The following CLOCK variants were observed in gnomAD, a reference collection of about 807,000 sequenced individuals.
CLOCK encodes circadian locomoter output cycles protein kaput.
CLOCK carries 43 observed loss-of-function variants against 118.4 expected under a neutral mutation model. That is an observed-to-expected ratio of 0.36 (90% CI 0.28 to 0.47). CLOCK has a LOEUF of 0.47. Among genes scored for constraint, CLOCK ranks in the 20% least tolerant of loss-of-function variants. The pLI is 1.00. For synonymous variants in CLOCK, 326 were observed against 339.2 expected, an observed-to-expected ratio of 0.96 and a Z score of 0.43; for missense variants, 846 against 999.9, an observed-to-expected ratio of 0.85 and a Z score of 2.08.
rs1354143489 is a variant in CLOCK, at chr4:55,429,194, T to C, written c.*6221A>G. 1 of 152,204 alleles carries C rather than the reference T, an allele frequency of 6.6e-6. No homozygotes were observed. The allele number at this position is 152,204 out of a possible 1,614,324, so 9.4% of individuals were successfully genotyped here. ...CATTTTTAAAAGCGATGTCACAGTT[T>C]GTTTCCTAAGAAATTTAAAAGCTTT... On this transcript the variant is annotated 3_prime_UTR_variant, in exon 23 of 23. Coordinates refer to ENST00000513440, the MANE Select transcript of CLOCK (RefSeq NM_004898.4).
intron 1 of CLOCK, among the ~76,000 whole-genome samples, chr4:55,523,579 T>A (rs182311786): frequency 6.6e-6 from 1 of 152,220 alleles, no homozygotes; most frequent in Admixed American, 6.5e-5. Context: ...CTACATGACA[T>A]GGGTAATGTC....
intron 1 of CLOCK, among the ~76,000 whole-genome samples, chr4:55,543,124 C>T: frequency 6.6e-6 from 1 of 152,104 alleles, no homozygotes; most frequent in Non-Finnish European, 1.5e-5. Context: ...CACTATGTTG[C>T]CCAGGCTGGT....
intron 18 of CLOCK, among the ~76,000 whole-genome samples, chr4:55,447,619 T>C (rs567972041): frequency 6.6e-6 from 1 of 152,300 alleles, no homozygotes; most frequent in South Asian, 2.1e-4. Context: ...ATTTTTGACA[T>C]AGTAGGTATC....
chr4:55,460,445 TC>T (rs1393134654), intron 9 of CLOCK, among the ~76,000 whole-genome samples: 1 of 152,212 alleles, frequency 6.6e-6, no homozygotes, highest in East Asian at 1.9e-4. Flanking sequence ...TCTTTCAAGC[TC>T]CCTTCGTCTA....
intron 11 of CLOCK, among the ~76,000 whole-genome samples, chr4:55,457,811 A>G (rs1025534060): frequency 6.6e-6 from 1 of 152,170 alleles, no homozygotes; most frequent in African/African-American, 2.4e-5. Context: ...ATCAAGTCCC[A>G]GTTTCATCAC....
intron 1 of CLOCK, among the ~76,000 whole-genome samples, chr4:55,533,246 T>C (rs1730670615): frequency 6.6e-6 from 1 of 152,038 alleles, no homozygotes; most frequent in African/African-American, 2.4e-5. Flanking sequence ...GCAACAGTAA[T>C]CAAGACAGTG....
chr4:55,466,383 A>C (rs1259122812), intron 8 of CLOCK, among the ~76,000 whole-genome samples: 3 of 152,168 alleles, frequency 2.0e-5, no homozygotes, highest in African/African-American at 2.4e-5. Context: ...TTTCCTTTAT[A>C]AACTACCCAG....
intron 15 of CLOCK, among the ~76,000 whole-genome samples, chr4:55,450,709 T>C (rs1298087829): frequency 1.3e-5 from 2 of 151,266 alleles, no homozygotes; most frequent in African/African-American, 2.4e-5. Flanking sequence ...GCGGAGGATG[T>C]AGTGAGCCGA....
chr4:55,450,373 G>T, intron 15 of CLOCK, 141 bp from the exon 16 acceptor site: 1 of 900,126 alleles, frequency 1.1e-6, no homozygotes, highest in Non-Finnish European at 1.8e-6. Context: ...CACATGTAAA[G>T]AAATGAAAAT....
At chr4:55,542,367 A>ATTAT (rs1560489903) in intron 1 of CLOCK, among the ~76,000 whole-genome samples, 2 of 46,626 alleles carry the variant, frequency 4.3e-5, no homozygotes, top group African/African-American at 5.4e-5. Flanking sequence ...AATAATAATA[A>ATTAT]TAATAATAAT....
rs1722687743 is a variant in CLOCK, at chr4:55,433,946, A to C, written c.*1469T>G. On this transcript the variant is annotated 3_prime_UTR_variant, in exon 23 of 23. Coordinates refer to ENST00000513440, the MANE Select transcript of CLOCK (RefSeq NM_004898.4). ...AATATTTCTGGTAAATTCTTAAATG[A>C]CTAAAGAAAAATGCTGATTTAGGAA... is the stretch of plus-strand genomic sequence containing the variant. The C allele has an allele frequency of 6.6e-6, 1 of 152,296 alleles. No individual in the cohort carries two copies. The highest frequency in any genetic ancestry group is 2.4e-5 in the African/African-American group (1 of 41,456). 9.4% of individuals were successfully genotyped at this position (152,296 alleles called of 1,614,324 possible).
At chr4:55,528,240 G>A (rs1730327067) in intron 1 of CLOCK, among the ~76,000 whole-genome samples, 2 of 151,930 alleles carry the variant, frequency 1.3e-5, no homozygotes, top group African/African-American at 4.8e-5. Context: ...CAGCTACTTG[G>A]GAGGCTGAGG....
intron 1 of CLOCK, among the ~76,000 whole-genome samples, chr4:55,515,698 ATTG>A (rs1470426879): frequency 1.3e-5 from 2 of 151,856 alleles, no homozygotes; most frequent in Non-Finnish European, 2.9e-5. Context: ...TCTAATTTTT[ATTG>A]TTTCCTTTCT....
At chr4:55,437,059 T>C (rs900822553) in intron 22 of CLOCK, among the ~76,000 whole-genome samples, 4 of 152,148 alleles carry the variant, frequency 2.6e-5, no homozygotes, top group African/African-American at 9.7e-5. Flanking sequence ...TTGTTTTAAA[T>C]TGTTGTTATT....
At chr4:55,467,530 AGT>A (rs1226795739) in intron 8 of CLOCK, among the ~76,000 whole-genome samples, 2 of 152,250 alleles carry the variant, frequency 1.3e-5, no homozygotes, top group Non-Finnish European at 2.9e-5. Context: ...GCTTTGAGAA[AGT>A]GTGAACACAT....
At chr4:55,527,511 T>C (rs1047487309) in intron 1 of CLOCK, among the ~76,000 whole-genome samples, 2 of 152,064 alleles carry the variant, frequency 1.3e-5, no homozygotes, top group African/African-American at 4.8e-5. Flanking sequence ...TCCCAAATAA[T>C]ACCTTTTTTA....
chr4:55,457,753 T>C (rs1725018263), intron 11 of CLOCK, among the ~76,000 whole-genome samples: 1 of 152,290 alleles, frequency 6.6e-6, no homozygotes, highest in East Asian at 1.9e-4. Context: ...CACTCTGTAA[T>C]AGTTGAGAGC....
intron 1 of CLOCK, chr4:55,545,890 C>T (rs1479023295): frequency 6.6e-6 from 1 of 152,240 alleles, no homozygotes; most frequent in Non-Finnish European, 1.5e-5. Flanking sequence ...CCGAGCGCCT[C>T]GCCGCCAACC....
In CLOCK at chr4:55,474,866, T is replaced by G. The variant is rs1411039937; in HGVS notation, c.348+1097A>C. ...ATACTATTGCTCGCTGACAATGTAC[T>G]TGGTAGCCCAAGAGTGCTGATGGAG... On this transcript the variant is annotated intron_variant, in intron 7 of 22. Coordinates refer to ENST00000513440, the MANE Select transcript of CLOCK (RefSeq NM_004898.4). 2.6e-5 allele frequency among the ~76,000 whole-genome samples: 4 copies of G among 152,338 alleles called. No homozygotes were observed. In the East Asian group the frequency reaches 7.7e-4, roughly 29 times the overall value.
Sources: gnomAD v4.1 joint callset for allele counts (sites outside exome capture counted in the v4.1 genomes callset) on GRCh38, gnomAD v4.1.1 for gene constraint, MANE v1.5 for transcripts, NCBI Gene and HGNC (gene_info 2026-07-23, HGNC 2026-07-21) for gene names.